Variants in YBX3 observed in about 807,000 individuals in gnomAD.
YBX3 encodes Y-box binding protein 3.
A neutral mutation model predicts 42.4 loss-of-function variants in YBX3; 29 were observed. The ratio of observed to expected loss-of-function variants is 0.68; its 90% CI spans 0.51 to 0.93. The LOEUF (loss-of-function observed/expected upper bound fraction) is 0.93. YBX3 is among the 40% of genes least tolerant of loss of function. The pLI is 0.00. For synonymous variants in YBX3, 195 were observed against 189.8 expected (o/e 1.03, Z -0.22); for missense variants, 517 against 527.5 (o/e 0.98, Z 0.19).
chr12:10,713,294 G>T lies in YBX3; in HGVS notation c.490C>A (p.Pro164Thr). The change falls in exon 5 of 10, where the codon CCT becomes ACT. Residue 164 changes from proline (P) to threonine (T), a missense_variant. Physicochemically the swap from Pro to Thr is conservative, Grantham distance 38. Transcript: ENST00000228251. ...AANVTGPDGV[P>T]VEGSRYAADR... is the part of the protein sequence containing the mutation. ...GCAGCGTAACGACTCCCTTCCACAG[G>T]AACTCCATCCGGGCCAGTCACATTG... is the stretch of plus-strand genomic sequence containing the variant. 2 of 1,613,948 alleles carry T rather than the reference G, an allele frequency of 1.2e-6. No individual in the cohort carries two copies. The highest frequency in any genetic ancestry group is 1.7e-6 in the Non-Finnish European group (2 of 1,180,012).
At chr12:10,719,270 C>T in intron 1 of YBX3, 127 bp from the exon 2 acceptor site, 1 of 751,282 alleles carries the variant, frequency 1.3e-6, no homozygotes, top group African/African-American at 1.8e-5. Context: ...AGCTTAATTC[C>T]AAAATACTTT....
intron 6 of YBX3, among the ~76,000 whole-genome samples, chr12:10,705,148 C>G (rs1948123570): frequency 1.3e-5 from 2 of 152,164 alleles, no homozygotes; most frequent in South Asian, 4.1e-4. Flanking sequence ...GGCTGGAGTG[C>G]AGTGGCGCGA....
intron 5 of YBX3, chr12:10,712,530 A>G (rs1194158234): frequency 1.3e-5 from 2 of 152,236 alleles, no homozygotes; most frequent in Non-Finnish European, 2.9e-5. Context: ...CCTCTTAACC[A>G]AGGCAAATTC....
In YBX3 at chr12:10,723,018, G is replaced by T. The variant is rs756334118; in HGVS notation, c.94C>A (p.Pro32Thr). The T allele has an allele frequency of 9.9e-6, 12 of 1,208,554 alleles. No homozygotes were observed. The South Asian group carries it at 4.5e-4, about 45-fold the overall frequency. 74.9% of individuals were successfully genotyped at this position (1,208,554 alleles called of 1,614,324 possible). A position where few individuals can be genotyped will look rare whatever the true frequency, so the allele number is the denominator to read the frequency against. Residue 32 changes from proline to threonine, a missense_variant, in exon 1 of 10, where the codon CCC (proline) becomes ACC (threonine). This residue lies in a region of YBX3 where 86 missense variants were observed against 82.5 expected (regional missense o/e 1.04). Coordinates refer to ENST00000228251, the MANE Select transcript of YBX3 (RefSeq NM_003651.5). ...GCACCGCTGCCCACCGGGCTCTTGG[G>T]CGCGGGGTCCTGGGGAGCCGCGGCG... ...AAAAAPQDPA[P>T]KSPVGSGAPQ...
chr12:10,707,023 T>TAAAC (rs1948146144), intron 6 of YBX3, among the ~76,000 whole-genome samples: 1 of 150,464 alleles, frequency 6.6e-6, no homozygotes, highest in Non-Finnish European at 1.5e-5. Context: ...TCTCAAAAAA[T>TAAAC]AAATAAATAA....
intron 1 of YBX3, among the ~76,000 whole-genome samples, chr12:10,720,135 A>G (rs1365232648): frequency 5.3e-5 from 8 of 152,252 alleles, no homozygotes; most frequent in Admixed American, 5.2e-4. Context: ...AAAATAAAGA[A>G]AAAAGCCTCA....
intron 6 of YBX3, chr12:10,704,451 ACT>A (rs1948115538): frequency 4.5e-6 from 1 of 220,562 alleles, no homozygotes; most frequent in Non-Finnish European, 8.8e-6. Context: ...TAAATAAAAT[ACT>A]CTTTTATTTT....
intron 1 of YBX3, among the ~76,000 whole-genome samples, chr12:10,721,404 A>C (rs143952140): frequency 6.6e-6 from 1 of 152,372 alleles, no homozygotes; most frequent in Non-Finnish European, 1.5e-5. Flanking sequence ...TCTACAAAAT[A>C]AGGTATCATT....
chr12:10,704,058 A>AC lies in YBX3; in HGVS notation c.870dup (p.Tyr291ValfsTer3). 1 of 1,614,188 alleles carries AC rather than the reference A, an allele frequency of 6.2e-7. No individual in the cohort carries two copies. The highest frequency in any genetic ancestry group is 8.5e-7 in the Non-Finnish European group (1 of 1,180,034). ...GTGGAAAATGCGACATACCTACGGT[A>AC]CCTTGGGCGGTAAGTTGGATTTCGA... On this transcript the variant is annotated frameshift_variant, in exon 7 of 10. Transcript: ENST00000228251. LOFTEE classifies it high-confidence loss of function.
chr12:10,716,847 C>T (rs947519573), intron 3 of YBX3, among the ~76,000 whole-genome samples: 8 of 152,136 alleles, frequency 5.3e-5, no homozygotes, highest in African/African-American at 1.9e-4. Flanking sequence ...CGGCTCGCTC[C>T]CTTTTTCCTG....
In YBX3 at chr12:10,723,090, T is replaced by C. The variant is rs1216004391; in HGVS notation, c.22A>G (p.Thr8Ala). The C allele has an allele frequency of 4.1e-6, 5 of 1,204,850 alleles. No homozygotes were observed. The highest frequency in any genetic ancestry group is 8.2e-5 in the South Asian group (2 of 24,344). 74.6% of individuals were successfully genotyped at this position (1,204,850 alleles called of 1,614,324 possible). ...GGGAGGGTGGTGGTGGTGGTGGTGG[T>C]GGCCTCGCCCGCCTCACTCATGCCT... MSEAGEA[T>A]TTTTTTLPQA... The change falls in exon 1 of 10, where the codon ACC (threonine) becomes GCC (alanine). Residue 8 changes from threonine (T) to alanine (A), a missense_variant. Coordinates refer to ENST00000228251, the MANE Select transcript of YBX3 (RefSeq NM_003651.5).
chr12:10,708,344 A>C (rs1311943982), intron 6 of YBX3, among the ~76,000 whole-genome samples: 1 of 152,176 alleles, frequency 6.6e-6, no homozygotes, highest in Non-Finnish European at 1.5e-5. Flanking sequence ...ATGCCCAATA[A>C]ATTTCATAGC....
intron 6 of YBX3, among the ~76,000 whole-genome samples, chr12:10,705,146 T>C (rs1283413134): frequency 6.6e-6 from 1 of 152,144 alleles, no homozygotes; most frequent in African/African-American, 2.4e-5. Flanking sequence ...CAGGCTGGAG[T>C]GCAGTGGCGC....
intron 3 of YBX3, among the ~76,000 whole-genome samples, chr12:10,716,481 T>C (rs568191026): frequency 6.6e-6 from 1 of 152,302 alleles, no homozygotes; most frequent in South Asian, 2.1e-4. Context: ...CATTAAAAGG[T>C]TAGTGAAGAT....
rs541937999 is a variant in YBX3 at position 10,723,010 on chromosome 12, G to T, written c.102C>A (p.Ser34Arg). The change falls in exon 1 of 10, where the codon AGC becomes AGA. Residue 34 changes from serine (S) to arginine (R), a missense_variant. By Grantham distance (110) the Ser-to-Arg change is moderately radical (BLOSUM62 -1). This residue lies in a region of YBX3 where 86 missense variants were observed against 82.5 expected (regional missense o/e 1.04). Transcript: ENST00000228251. ...CCTGGGGCGCACCGCTGCCCACCGG[G>T]CTCTTGGGCGCGGGGTCCTGGGGAG... ...AAAPQDPAPK[S>R]PVGSGAPQAA... The T allele has an allele frequency of 4.5e-3, 5,388 of 1,208,714 alleles. 29 individuals are homozygous for T. The highest frequency in any genetic ancestry group is 4.7e-3 in the Non-Finnish European group (4,565 of 975,246). 74.9% of individuals were successfully genotyped at this position (1,208,714 alleles called of 1,614,324 possible). A position where few individuals can be genotyped will look rare whatever the true frequency, so the allele number is the denominator to read the frequency against.
chr12:10,719,752 CATG>C (rs1948304275), intron 1 of YBX3, among the ~76,000 whole-genome samples: 1 of 152,178 alleles, frequency 6.6e-6, no homozygotes, highest in East Asian at 1.9e-4. Context: ...TTTCAAATCA[CATG>C]ATGAATTTGG....
At position 10,702,071 on chromosome 12, in the gene YBX3, C is replaced by G. The variant is rs753001875; in HGVS notation, c.942G>C (p.Gln314His). 5.6e-6 allele frequency: 9 copies of G among 1,614,076 alleles called. No individual in the cohort carries two copies. In the African/African-American group the frequency reaches 1.2e-4, roughly 22 times the overall value. The part of the protein sequence containing the change: ...AVGEAEDKEN[Q>H]QATSGPNQPS... ...GCTGGTTTGGACCACTGGTGGCTTG[C>G]TGATTTTCTTTATCTTCAGCCTCTC... The change falls in exon 8 of 10, where the codon CAG becomes CAC. Residue 314 changes from glutamine to histidine, a missense_variant. Physicochemically the swap from Gln to His is conservative, Grantham distance 24. This residue lies in a region of YBX3 where 420 missense variants were observed against 408.5 expected (regional missense o/e 1.03). Coordinates refer to ENST00000228251, the MANE Select transcript of YBX3 (RefSeq NM_003651.5).
At position 10,718,984 on chromosome 12, in the gene YBX3, T is replaced by G. The variant is rs555754498; in HGVS notation, c.326+96A>C. The G allele has an allele frequency of 3.0e-5, 34 of 1,145,838 alleles. No individual in the cohort carries two copies. In the African/African-American group the frequency reaches 5.2e-4, roughly 18 times the overall value. 71.0% of individuals were successfully genotyped at this position (1,145,838 alleles called of 1,614,324 possible). A position where few individuals can be genotyped will look rare whatever the true frequency, so the allele number is the denominator to read the frequency against. ...TACAGTGCTTAGAAACCTAAAAAAT[T>G]TATATAAGCCATTAATGAAGGCTAA... On this transcript the variant is annotated intron_variant, in intron 2 of 9. Coordinates refer to ENST00000228251, the MANE Select transcript of YBX3 (RefSeq NM_003651.5).
chr12:10,706,816 G>A (rs1948142373), intron 6 of YBX3, among the ~76,000 whole-genome samples: 1 of 152,090 alleles, frequency 6.6e-6, no homozygotes, highest in African/African-American at 2.4e-5. Context: ...AGGAGATTGA[G>A]ACCATCCTGG....
Sources: gnomAD v4.1 joint callset for allele counts (sites outside exome capture counted in the v4.1 genomes callset) on GRCh38, gnomAD v4.1.1 for gene constraint, gnomAD v4.1.1 regional missense constraint, MANE v1.5 for transcripts, NCBI Gene and HGNC (gene_info 2026-07-23, HGNC 2026-07-21) for gene names.